Variants in ARRB1 observed in about 807,000 individuals in gnomAD.
The protein encoded by ARRB1 is beta-arrestin-1.
Under a neutral mutation model 56.8 loss-of-function variants are expected in ARRB1, and 21 were observed. The observed-to-expected ratio is 0.37, with a 90% confidence interval of 0.26 to 0.53. ARRB1 has a LOEUF of 0.53. ARRB1 is among the 20% of genes least tolerant of loss of function. The pLI is 0.88. For synonymous variants in ARRB1, 210 were observed against 218.6 expected (o/e 0.96, Z 0.35); for missense variants, 424 against 553.7 (o/e 0.77, Z 2.35).
intron 1 of ARRB1, among the ~76,000 whole-genome samples, chr11:75,348,302 C>G (rs565141241): frequency 3.5e-4 from 53 of 152,350 alleles, no homozygotes; most frequent in Non-Finnish European, 7.1e-4. Context: ...AGATGAAGCT[C>G]AGTAGTTCCA....
At chr11:75,289,900 C>A in intron 2 of ARRB1, 109 bp downstream of exon 2, 3 of 1,517,656 alleles carry the variant, frequency 2.0e-6, no homozygotes, top group Non-Finnish European at 1.8e-6. Flanking sequence ...CCTGCCCCCT[C>A]CCACAGAGGT....
At chr11:75,328,651 G>A (rs1028823416) in intron 1 of ARRB1, among the ~76,000 whole-genome samples, 1 of 152,230 alleles carries the variant, frequency 6.6e-6, no homozygotes, top group Non-Finnish European at 1.5e-5. Context: ...GCCACCTGGT[G>A]TGGACAGCTC....
intron 1 of ARRB1, among the ~76,000 whole-genome samples, chr11:75,324,140 G>A (rs1947390979): frequency 6.6e-6 from 1 of 152,182 alleles, no homozygotes; most frequent in South Asian, 2.1e-4. Flanking sequence ...CTTGTCTAAT[G>A]TGGAGGGTTT....
chr11:75,327,378 G>C (rs1009970637), intron 1 of ARRB1, among the ~76,000 whole-genome samples: 1 of 151,662 alleles, frequency 6.6e-6, no homozygotes, highest in South Asian at 2.1e-4. Context: ...GGTTGCCGAG[G>C]ATGATCTCTA....
At chr11:75,267,509 A>T in intron 15 of ARRB1, 143 bp downstream of exon 15, 1 of 782,970 alleles carries the variant, frequency 1.3e-6, no homozygotes, top group Non-Finnish European at 2.1e-6. Flanking sequence ...CGGGTTGCTG[A>T]AGAGGCGAGC....
At chr11:75,311,941 G>A (rs890750039) in intron 1 of ARRB1, 27 of 919,170 alleles carry the variant, frequency 2.9e-5, no homozygotes, top group Middle Eastern at 2.7e-4. Context: ...GAGAGGGGAC[G>A]GCCGGCAGAG....
chr11:75,294,402 C>CA (rs1946678155), intron 1 of ARRB1, among the ~76,000 whole-genome samples: 1 of 151,756 alleles, frequency 6.6e-6, no homozygotes. Context: ...ACTAAAAATA[C>CA]AAAAATTAGC....
chr11:75,330,937 G>A (rs1242236820), intron 1 of ARRB1, among the ~76,000 whole-genome samples: 2 of 152,316 alleles, frequency 1.3e-5, no homozygotes, highest in Admixed American at 1.3e-4. Flanking sequence ...CGTGTCCCCC[G>A]TGCCAGACAC....
At chr11:75,327,692 G>A (rs552539611) in intron 1 of ARRB1, among the ~76,000 whole-genome samples, 5 of 151,164 alleles carry the variant, frequency 3.3e-5, no homozygotes, top group African/African-American at 7.3e-5. Context: ...GGGTTCAAGC[G>A]ATTCTCCTGC....
intron 1 of ARRB1, among the ~76,000 whole-genome samples, chr11:75,303,368 G>A (rs1946949162): frequency 6.6e-6 from 1 of 151,932 alleles, no homozygotes; most frequent in Admixed American, 6.6e-5. Context: ...CCCTCTTCCT[G>A]TACTATCCTT....
chr11:75,294,590 TAAATAAATAAATAAATA>T (rs1946683970), intron 1 of ARRB1, among the ~76,000 whole-genome samples: 2 of 89,282 alleles, frequency 2.2e-5, no homozygotes, highest in Non-Finnish European at 4.5e-5. Context: ...AATAAATAAA[TAAATAAATAAATAAATA>T]ACTTAAAATA....
intron 1 of ARRB1, among the ~76,000 whole-genome samples, chr11:75,345,173 C>T (rs1047777538): frequency 6.6e-6 from 1 of 152,272 alleles, no homozygotes; most frequent in South Asian, 2.1e-4. Flanking sequence ...CTGTCTTGTC[C>T]AACTCCCAGG....
rs184617408 is a variant in ARRB1 at position 75,311,065 on chromosome 11, G to A, written c.21-21026C>T. Reference sequence around the variant, plus strand: ...ATAAAGAGACCACAGGGCCAGGCGCGGTGGCTCATGCCTGTAATCCCAGCA... The same window carrying A: ...ATAAAGAGACCACAGGGCCAGGCGCAGTGGCTCATGCCTGTAATCCCAGCA... On this transcript the variant is annotated intron_variant, in intron 1 of 15. Transcript: ENST00000420843. Among the ~76,000 whole-genome samples, 86 of 152,332 alleles carry A rather than the reference G, an allele frequency of 5.6e-4. 1 individual carries two copies. Among genetic ancestry groups the A allele is most frequent in the Middle Eastern group, 6.8e-3 (2 of 294 alleles).
At chr11:75,302,613 C>T (rs1250588332) in intron 1 of ARRB1, among the ~76,000 whole-genome samples, 1 of 152,176 alleles carries the variant, frequency 6.6e-6, no homozygotes. Context: ...TGAGTCTCTG[C>T]TTGAGCCCAG....
At chr11:75,276,770 A>G in intron 10 of ARRB1, 69 bp downstream of exon 10, 2 of 1,526,814 alleles carry the variant, frequency 1.3e-6, no homozygotes, top group Non-Finnish European at 1.8e-6. Flanking sequence ...GACCTGTAAC[A>G]GGACACCTAG....
chr11:75,280,570 G>A (rs945686637), intron 7 of ARRB1, among the ~76,000 whole-genome samples: 2 of 152,156 alleles, frequency 1.3e-5, no homozygotes, highest in African/African-American at 4.8e-5. Context: ...TCCAGAGAAC[G>A]CTTCCCATCT....
chr11:75,305,955 G>C (rs1033099314), intron 1 of ARRB1, among the ~76,000 whole-genome samples: 1 of 152,090 alleles, frequency 6.6e-6, no homozygotes, highest in African/African-American at 2.4e-5. Flanking sequence ...ATGACAACCT[G>C]ACTGACCAAA....
intron 1 of ARRB1, among the ~76,000 whole-genome samples, chr11:75,326,719 A>T (rs1591978623): frequency 7.7e-6 from 1 of 129,794 alleles, no homozygotes; most frequent in African/African-American, 3.1e-5. Flanking sequence ...TTTTAAAATT[A>T]CTGTCTTTTT....
intron 1 of ARRB1, among the ~76,000 whole-genome samples, chr11:75,338,164 G>T (rs904760492): frequency 1.3e-5 from 2 of 152,106 alleles, no homozygotes; most frequent in Non-Finnish European, 2.9e-5. Flanking sequence ...GGCCTCCAGT[G>T]CCACCTAGAG....
Sources: gnomAD v4.1 joint callset for allele counts (sites outside exome capture counted in the v4.1 genomes callset) on GRCh38, gnomAD v4.1.1 for gene constraint, MANE v1.5 for transcripts, NCBI Gene and HGNC (gene_info 2026-07-23, HGNC 2026-07-21) for gene names.